Variants in AHCYL2 observed in about 807,000 individuals in gnomAD.
The protein encoded by AHCYL2 is S-adenosylhomocysteine hydrolase-like protein 2.
Under a neutral mutation model 81.4 loss-of-function variants are expected in AHCYL2, and 28 were observed. That is an observed-to-expected ratio of 0.34 (90% confidence interval 0.25 to 0.47). The LOEUF is 0.47. Among genes scored for constraint, AHCYL2 ranks in the 20% least tolerant of loss-of-function variants. The pLI is 1.00. For missense variants in AHCYL2, 551 were observed against 785.1 expected, an observed-to-expected ratio of 0.70 and a Z score of 3.56; for synonymous variants, 272 against 290.2, an observed-to-expected ratio of 0.94 and a Z score of 0.64.
At chr7:129,365,932 G>A (rs1005134006) in intron 1 of AHCYL2, among the ~76,000 whole-genome samples, 5 of 152,088 alleles carry the variant, frequency 3.3e-5, no homozygotes, top group Admixed American at 2.0e-4. Context: ...TTGTAGATGT[G>A]TTGCATTTAA....
chr7:129,283,520 CAT>C (rs1796521962), intron 1 of AHCYL2: 1 of 432,244 alleles, frequency 2.3e-6, no homozygotes, highest in Non-Finnish European at 4.6e-6. Context: ...TCAGGATAAA[CAT>C]ATAGACTAAA....
chr7:129,361,971 A>C (rs1217215177), intron 1 of AHCYL2, among the ~76,000 whole-genome samples: 1 of 152,154 alleles, frequency 6.6e-6, no homozygotes, highest in East Asian at 1.9e-4. Flanking sequence ...AGATGAGAAA[A>C]CTGAGGCACA....
At chr7:129,307,862 A>T (rs1797499251) in intron 1 of AHCYL2, among the ~76,000 whole-genome samples, 1 of 151,720 alleles carries the variant, frequency 6.6e-6, no homozygotes, top group South Asian at 2.1e-4. Flanking sequence ...CTGGCCTAAG[A>T]TATGTCTAGA....
chr7:129,358,300 G>A (rs1376926621), intron 1 of AHCYL2, among the ~76,000 whole-genome samples: 1 of 151,976 alleles, frequency 6.6e-6, no homozygotes, highest in Non-Finnish European at 1.5e-5. Context: ...GCTGAGGCAG[G>A]AGAATGGCGT....
intron 12 of AHCYL2, among the ~76,000 whole-genome samples, chr7:129,415,356 A>G (rs1412734070): frequency 6.6e-6 from 1 of 152,232 alleles, no homozygotes; most frequent in Non-Finnish European, 1.5e-5. Flanking sequence ...CTAAACCCTC[A>G]AGAAGCTCTG....
At chr7:129,321,382 AT>A (rs1263434602) in intron 1 of AHCYL2, among the ~76,000 whole-genome samples, 1 of 152,116 alleles carries the variant, frequency 6.6e-6, no homozygotes, top group Admixed American at 6.5e-5. Context: ...TGGATGGTGG[AT>A]TTTGGAAATA....
chr7:129,350,109 T>C (rs1030278040), intron 1 of AHCYL2, among the ~76,000 whole-genome samples: 4 of 152,188 alleles, frequency 2.6e-5, no homozygotes, highest in Non-Finnish European at 4.4e-5. Context: ...GATTCTTGAC[T>C]TACAAGGCAG....
In AHCYL2 at chr7:129,429,919, A is replaced by G. The variant is rs1443747404; in HGVS notation, c.*2874A>G. On this transcript the variant is annotated 3_prime_UTR_variant, in exon 17 of 17. Transcript: ENST00000325006. Reference sequence around the variant, plus strand: ...CCGTGGTTTTTAAAAAGGAATCAAAATGCATTGTTGCATTAAGCTTTTTCA... The same window carrying G: ...CCGTGGTTTTTAAAAAGGAATCAAAGTGCATTGTTGCATTAAGCTTTTTCA... The G allele has an allele frequency of 6.6e-6, 1 of 152,492 alleles. No individual in the cohort carries two copies. The highest frequency in any genetic ancestry group is 1.5e-5 in the Non-Finnish European group (1 of 68,018). The allele number at this position is 152,492 out of a possible 1,614,324, so 9.4% of individuals were successfully genotyped here.
At chr7:129,298,712 G>T (rs1052501598) in intron 1 of AHCYL2, among the ~76,000 whole-genome samples, 2 of 152,148 alleles carry the variant, frequency 1.3e-5, no homozygotes, top group Non-Finnish European at 2.9e-5. Flanking sequence ...TTTGATATTT[G>T]TCATTCTACC....
chr7:129,424,064 C>T (rs1459670629), intron 13 of AHCYL2, among the ~76,000 whole-genome samples: 2 of 151,968 alleles, frequency 1.3e-5, no homozygotes, highest in South Asian at 2.1e-4. Flanking sequence ...TCATAGGAAA[C>T]AAAATAGGAA....
chr7:129,426,333 C>T lies in AHCYL2; in HGVS notation c.1709-110C>T. 6.5e-7 allele frequency: 1 copy of T among 1,528,706 alleles called. No homozygotes were observed. Among genetic ancestry groups the T allele is most frequent in the Non-Finnish European group, 9.0e-7 (1 of 1,106,330 alleles). The allele number at this position is 1,528,706 out of a possible 1,614,324, so 94.7% of individuals were successfully genotyped here. On this transcript the variant is annotated intron_variant, in intron 15 of 16. Coordinates refer to ENST00000325006, the MANE Select transcript of AHCYL2 (RefSeq NM_015328.4). This position sits in a 1 kb window ranked among gnomAD's most constrained non-coding sequence, Gnocchi z 4.3. ...CGAAGGTTGAACATTTTTCATTCAG[C>T]TCCAGGAATTAGAAGGTGTCTTTGA...
At chr7:129,284,582 G>C (rs1269869862) in intron 1 of AHCYL2, among the ~76,000 whole-genome samples, 2 of 144,156 alleles carry the variant, frequency 1.4e-5, no homozygotes, top group African/African-American at 5.2e-5. Context: ...CTAGATGACA[G>C]AGTTGAGACT....
chr7:129,312,095 C>T (rs1454794865), intron 1 of AHCYL2, among the ~76,000 whole-genome samples: 3 of 152,008 alleles, frequency 2.0e-5, no homozygotes, highest in African/African-American at 7.3e-5. Context: ...CTCAGGCAGT[C>T]CTCCCACCTC....
At chr7:129,374,225 G>A (rs1370501268) in intron 1 of AHCYL2, among the ~76,000 whole-genome samples, 1 of 152,196 alleles carries the variant, frequency 6.6e-6, no homozygotes, top group Admixed American at 6.5e-5. Flanking sequence ...TGGTATAGTA[G>A]ATGGAGCTTT....
At chr7:129,319,560 G>A (rs1454644543) in intron 1 of AHCYL2, among the ~76,000 whole-genome samples, 1 of 152,172 alleles carries the variant, frequency 6.6e-6, no homozygotes, top group Non-Finnish European at 1.5e-5. Context: ...GCAAGTACCT[G>A]GAAATTTGGT....
chr7:129,405,343 T>C, intron 8 of AHCYL2, 130 bp downstream of exon 8: 1 of 511,334 alleles, frequency 2.0e-6, no homozygotes, highest in South Asian at 5.2e-5. Flanking sequence ...CAGAGCTTTG[T>C]CACCTCATAA....
intron 1 of AHCYL2, among the ~76,000 whole-genome samples, chr7:129,375,069 C>G (rs1220008407): frequency 6.6e-6 from 1 of 152,018 alleles, no homozygotes; most frequent in East Asian, 1.9e-4. Context: ...TAAGAAACTT[C>G]CCTTTGTAGT....
intron 12 of AHCYL2, 86 bp from the exon 13 acceptor site, chr7:129,422,754 T>C: frequency 1.7e-6 from 2 of 1,177,326 alleles, no homozygotes; most frequent in Admixed American, 3.6e-5. Flanking sequence ...TTCAACCTGC[T>C]ATTTGAAATG....
chr7:129,426,623 A>T lies in AHCYL2; in HGVS notation c.1829+60A>T. ...GGCAGTGATGAGCTTCCTGCACTGG[A>T]ATTGGTCTTTGCATCCCCAACCACA... is the stretch of plus-strand genomic sequence containing the variant. On this transcript the variant is annotated intron_variant, in intron 16 of 16. Transcript: ENST00000325006. This position sits in a 1 kb window ranked among gnomAD's most constrained non-coding sequence, Gnocchi z 4.3. The T allele has an allele frequency of 6.3e-7, 1 of 1,576,248 alleles. No individual in the cohort carries two copies. The highest frequency in any genetic ancestry group is 8.6e-7 in the Non-Finnish European group (1 of 1,164,442).
Sources: gnomAD v4.1 joint callset for allele counts (sites outside exome capture counted in the v4.1 genomes callset) on GRCh38, gnomAD v4.1.1 for gene constraint, Gnocchi (gnomAD v3.1) non-coding constraint, MANE v1.5 for transcripts, NCBI Gene and HGNC (gene_info 2026-07-23, HGNC 2026-07-21) for gene names.